Variants in PTCHD1 observed in about 807,000 individuals in gnomAD.
PTCHD1 encodes the protein patched domain containing 1.
A neutral mutation model predicts 34.6 loss-of-function variants in PTCHD1; 3 were observed. The ratio of observed to expected loss-of-function variants is 0.09; its 90% CI spans 0.04 to 0.22. The LOEUF (loss-of-function observed/expected upper bound fraction) is 0.22. Among genes scored for constraint, PTCHD1 ranks in the 10% least tolerant of loss-of-function variants. PTCHD1 has a pLI of 1.00. For synonymous variants in PTCHD1, 305 were observed against 283.1 expected (o/e 1.08, Z -0.77); for missense variants, 504 against 685.5 (o/e 0.74, Z 2.96).
At chrX:23,375,542 G>A (rs1181801143) in intron 1 of PTCHD1, among the ~76,000 whole-genome samples, 3 of 92,536 alleles carry the variant, frequency 3.2e-5, no homozygotes, top group African/African-American at 1.2e-4. Flanking sequence ...GCCTCCCAAA[G>A]TGCTGGGATT....
intron 1 of PTCHD1, among the ~76,000 whole-genome samples, chrX:23,351,891 C>T (rs1921645389): frequency 9.0e-6 from 1 of 111,680 alleles, no homozygotes. Flanking sequence ...ACATCAAATG[C>T]AAAGGGTTTA....
Position 23,379,274 on chromosome X carries a change from A to G in PTCHD1, c.352-317A>G, listed in dbSNP as rs918973268. Among the ~76,000 whole-genome samples the G allele has an allele frequency of 2.7e-5, 3 of 112,249 alleles. No homozygotes were observed. In the East Asian group the frequency reaches 8.4e-4, roughly 31 times the overall value. On this transcript the variant is annotated intron_variant, in intron 1 of 2. Coordinates refer to ENST00000379361, the MANE Select transcript of PTCHD1 (RefSeq NM_173495.3). ...GCATTTCTCAAATGTCAGCTGCATC[A>G]GAATTCTTAAGAGGGCTTGCGAAAA... is the stretch of plus-strand genomic sequence containing the variant.
At chrX:23,375,521 C>T (rs1458368817) in intron 1 of PTCHD1, among the ~76,000 whole-genome samples, 1 of 110,378 alleles carries the variant, frequency 9.1e-6, no homozygotes, top group Non-Finnish European at 1.9e-5. Context: ...CCTCGTGATC[C>T]GCCCGCCTCG....
intron 2 of PTCHD1, 25 bp downstream of exon 2, chrX:23,380,276 G>T: frequency 8.5e-7 from 1 of 1,178,886 alleles, no homozygotes; most frequent in South Asian, 1.8e-5. Flanking sequence ...TCTTTCTTCT[G>T]TTTCCGCCTG....
In PTCHD1 at chrX:23,380,034, C is replaced by T. The variant is rs1218698517; in HGVS notation, c.795C>T (p.Ser265=). Residue 265 remains serine, a synonymous_variant, in exon 2 of 3, where the codon AGC becomes AGT. Coordinates refer to ENST00000379361, the MANE Select transcript of PTCHD1 (RefSeq NM_173495.3). ...SSLREDFQKT[S]RVSERYLVTS... ...TGAGGGAAGATTTCCAGAAGACCAG[C>T]CGCGTATCAGAACGTTACCTGGTCA... The T allele has an allele frequency of 8.3e-7, 1 of 1,211,503 alleles. No individual in the cohort carries two copies. Among genetic ancestry groups the T allele is most frequent in the Non-Finnish European group, 1.1e-6 (1 of 895,138 alleles).
intron 2 of PTCHD1, among the ~76,000 whole-genome samples, chrX:23,392,074 C>CTTTTTT (rs763041195): frequency 1.1e-4 from 6 of 52,346 alleles, no homozygotes; most frequent in African/African-American, 5.0e-4. Context: ...TTCTTTCTTT[C>CTTTTTT]TTTTTTTTTT....
rs1300469081 is a variant in PTCHD1, at chrX:23,393,379, C to A, written c.1861C>A (p.Pro621Thr). The change falls in exon 3 of 3, where the codon CCT becomes ACT. Residue 621 changes from proline (P) to threonine (T), a missense_variant. Transcript: ENST00000379361. ...GTTGAGGAATTCCTTTCTGAAAGCCCCTCAATTTTCACATTTTCAAGAGGA... is the reference window on the plus strand; with the variant it reads ...GTTGAGGAATTCCTTTCTGAAAGCCACTCAATTTTCACATTTTCAAGAGGA... ...DMLRNSFLKA[P>T]QFSHFQEDII... The A allele has an allele frequency of 8.3e-7, 1 of 1,210,133 alleles. No homozygotes were observed. Among genetic ancestry groups the A allele is most frequent in the Non-Finnish European group, 1.1e-6 (1 of 894,229 alleles).
At chrX:23,366,371 A>G (rs111466811) in intron 1 of PTCHD1, among the ~76,000 whole-genome samples, 5 of 112,105 alleles carry the variant, frequency 4.5e-5, no homozygotes, top group Non-Finnish European at 7.5e-5. Context: ...CTGTCTTCCA[A>G]GTTCAACTAA....
chrX:23,370,538 T>G (rs766817080), intron 1 of PTCHD1, among the ~76,000 whole-genome samples: 4 of 111,773 alleles, frequency 3.6e-5, no homozygotes, highest in Non-Finnish European at 7.5e-5. Context: ...TATAATACGT[T>G]ATTTTATGAA....
At chrX:23,388,078 C>T (rs1922730126) in intron 2 of PTCHD1, among the ~76,000 whole-genome samples, 1 of 110,643 alleles carries the variant, frequency 9.0e-6, no homozygotes, top group Admixed American at 9.6e-5. Flanking sequence ...AGTCTTTTTA[C>T]CCCAAGGTCT....
chrX:23,335,809 G>T (rs1921155541), intron 1 of PTCHD1, among the ~76,000 whole-genome samples: 1 of 111,678 alleles, frequency 9.0e-6, no homozygotes, highest in South Asian at 3.8e-4. Context: ...GGTCTCTGGC[G>T]AGGACAGGGG....
In PTCHD1 at chrX:23,380,174, T is replaced by C; in HGVS notation, c.935T>C (p.Leu312Pro). ...LGLVTISLAT[L>P]TAAGIINLTG... ...TTGGTGACCATAAGCCTGGCCACTCTCACTGCAGCCGGGATCATCAATCTT... is the reference window on the plus strand; with the variant it reads ...TTGGTGACCATAAGCCTGGCCACTCCCACTGCAGCCGGGATCATCAATCTT... Residue 312 changes from leucine (L) to proline (P), a missense_variant, in exon 2 of 3, where the codon CTC becomes CCC. Transcript: ENST00000379361. 1 of 1,211,360 alleles carries C rather than the reference T, an allele frequency of 8.3e-7. No individual in the cohort carries two copies. The highest frequency in any genetic ancestry group is 1.1e-6 in the Non-Finnish European group (1 of 895,239).
At chrX:23,371,361 C>A (rs761479870) in intron 1 of PTCHD1, among the ~76,000 whole-genome samples, 1 of 111,459 alleles carries the variant, frequency 9.0e-6, no homozygotes, top group Admixed American at 9.5e-5. Flanking sequence ...GAAGAAAAGC[C>A]GTCGGCTATG....
Position 23,400,544 on chromosome X carries a change from C to A in PTCHD1, c.*6359C>A, listed in dbSNP as rs1721339200. On this transcript the variant is annotated 3_prime_UTR_variant, in exon 3 of 3. Coordinates refer to ENST00000379361, the MANE Select transcript of PTCHD1 (RefSeq NM_173495.3). ...AAGCCCAGTTCTCTTGACTCCAAGT[C>A]AGAAGCTAGATAAAATAGAGGTTGC... The A allele has an allele frequency of 8.9e-6, 1 of 112,689 alleles. No homozygotes were observed. Among genetic ancestry groups the A allele is most frequent in the Admixed American group, 9.3e-5 (1 of 10,718 alleles). 9.3% of individuals were successfully genotyped at this position (112,689 alleles called of 1,213,427 possible).
rs767287658 is a variant in PTCHD1, at chrX:23,355,098, C to T, written c.351+19872C>T. ...GTATGGAGTGTGGTTGCTCCTACTCCCCGCCTACTGGGGCAGCAGGGCAGC... is the reference window on the plus strand; with the variant it reads ...GTATGGAGTGTGGTTGCTCCTACTCTCCGCCTACTGGGGCAGCAGGGCAGC... On this transcript the variant is annotated intron_variant, in intron 1 of 2. Coordinates refer to ENST00000379361, the MANE Select transcript of PTCHD1 (RefSeq NM_173495.3). Among the ~76,000 whole-genome samples, 360 of 110,548 alleles carry T rather than the reference C, an allele frequency of 3.3e-3. 1 individual carries two copies. Among genetic ancestry groups the T allele is most frequent in the African/African-American group, 0.011 (338 of 30,381 alleles).
intron 1 of PTCHD1, among the ~76,000 whole-genome samples, chrX:23,375,770 A>G (rs1922400385): frequency 8.9e-6 from 1 of 111,922 alleles, no homozygotes; most frequent in Non-Finnish European, 1.9e-5. Flanking sequence ...TGAGGATAAT[A>G]GTATCACCAT....
intron 1 of PTCHD1, among the ~76,000 whole-genome samples, chrX:23,366,315 G>A (rs746353001): frequency 4.5e-5 from 5 of 112,060 alleles, no homozygotes; most frequent in South Asian, 3.7e-4. Flanking sequence ...CATTTCATCC[G>A]CTGATAAAAT....
At chrX:23,346,732 G>A (rs1018712974) in intron 1 of PTCHD1, among the ~76,000 whole-genome samples, 7 of 111,947 alleles carry the variant, frequency 6.3e-5, no homozygotes, top group African/African-American at 2.0e-4. Flanking sequence ...AGTTGTCAGA[G>A]GTGAGGTGTC....
intron 1 of PTCHD1, among the ~76,000 whole-genome samples, chrX:23,372,894 C>G (rs764516798): frequency 1.8e-5 from 2 of 111,746 alleles, no homozygotes; most frequent in Non-Finnish European, 3.8e-5. Flanking sequence ...ATCAGCCACT[C>G]TAAACATTCT....
Sources: allele counts gnomAD v4.1 joint callset (sites outside exome capture counted in the v4.1 genomes callset), GRCh38; gene constraint gnomAD v4.1.1; transcripts MANE v1.5; gene names NCBI Gene and HGNC (gene_info 2026-07-23, HGNC 2026-07-21).